The following GALNT13 variants were observed in gnomAD, a reference collection of about 807,000 sequenced individuals.
GALNT13 encodes UDP-GalNAc:polypeptide N-acetylgalactosaminyltransferase 13.
Under a neutral mutation model 64.2 loss-of-function variants are expected in GALNT13, and 28 were observed. The ratio of observed to expected loss-of-function variants is 0.44; its 90% CI spans 0.32 to 0.60. The LOEUF (loss-of-function observed/expected upper bound fraction) is 0.60. Among genes scored for constraint, GALNT13 ranks in the 20% least tolerant of loss-of-function variants. GALNT13 has a pLI of 0.05. For synonymous variants in GALNT13, 214 were observed against 224.6 expected, an observed-to-expected ratio of 0.95 and a Z score of 0.42; for missense variants, 577 against 669.8, an observed-to-expected ratio of 0.86 and a Z score of 1.53.
chr2:153,961,282 T>C (rs1692924197), intron 3 of GALNT13, among the ~76,000 whole-genome samples: 1 of 152,192 alleles, frequency 6.6e-6, no homozygotes, highest in East Asian at 1.9e-4. Flanking sequence ...ACATCAATGC[T>C]GTACTATTAG....
chr2:154,010,431 G>A (rs1432376674), intron 3 of GALNT13, among the ~76,000 whole-genome samples: 1 of 152,128 alleles, frequency 6.6e-6, no homozygotes, highest in African/African-American at 2.4e-5. Flanking sequence ...TGCATTCAAG[G>A]GTAAAGCCCA....
At chr2:153,851,579 C>T in the GALNT13 span, among the ~76,000 whole-genome samples, 1 of 151,834 alleles carries the variant, frequency 6.6e-6, no homozygotes, top group Non-Finnish European at 1.5e-5. Flanking sequence ...ATGGCATACA[C>T]CTGTAGTCGC....
chr2:153,892,360 T>C lies in GALNT13; in HGVS notation c.-176-8576T>C, dbSNP rs997027691. Among the ~76,000 whole-genome samples, 3 of 152,168 alleles carry C rather than the reference T, an allele frequency of 2.0e-5. No homozygotes were observed. The South Asian group carries it at 6.2e-4, about 32-fold the overall frequency. Reference sequence around the variant, plus strand: ...CTTTTTCTGGAATATAATGAGGATATAAAAATATTAACATAATCTCTTGCA... The same window carrying C: ...CTTTTTCTGGAATATAATGAGGATACAAAAATATTAACATAATCTCTTGCA... On this transcript the variant is annotated intron_variant, in intron 1 of 12. Coordinates refer to ENST00000392825, the MANE Select transcript of GALNT13 (RefSeq NM_052917.4).
chr2:154,074,173 T>A (rs1700875660), intron 3 of GALNT13, among the ~76,000 whole-genome samples: 1 of 151,890 alleles, frequency 6.6e-6, no homozygotes, highest in Admixed American at 6.6e-5. Flanking sequence ...AGGGTAAAAG[T>A]GTCCTAAGAT....
chr2:153,538,430 G>A, the GALNT13 span, among the ~76,000 whole-genome samples: 8 of 119,342 alleles, frequency 6.7e-5, no homozygotes, highest in East Asian at 1.7e-3. Flanking sequence ...TAGGGTACAT[G>A]TGCACATTGT....
chr2:153,082,336 G>A, the GALNT13 span, among the ~76,000 whole-genome samples: 2 of 151,544 alleles, frequency 1.3e-5, no homozygotes, highest in Non-Finnish European at 2.9e-5. Context: ...AATCCCCAAA[G>A]TCTATTATAT....
the GALNT13 span, among the ~76,000 whole-genome samples, chr2:153,386,692 C>T: frequency 1.3e-5 from 2 of 151,976 alleles, no homozygotes; most frequent in Non-Finnish European, 2.9e-5. Flanking sequence ...GGCATGGGGG[C>T]CAGGTCAATA....
At chr2:154,377,722 AG>A (rs549549045) in intron 9 of GALNT13, among the ~76,000 whole-genome samples, 119 of 152,322 alleles carry the variant, frequency 7.8e-4, no homozygotes, top group African/African-American at 2.7e-3. Context: ...CTAGGGATCT[AG>A]AAGTACATGA....
intron 10 of GALNT13, among the ~76,000 whole-genome samples, chr2:154,407,460 C>T (rs1559138443): frequency 6.6e-6 from 1 of 152,098 alleles, no homozygotes; most frequent in African/African-American, 2.4e-5. Flanking sequence ...CTACATCATA[C>T]TACAATTTAT....
intron 9 of GALNT13, among the ~76,000 whole-genome samples, chr2:154,314,107 C>T (rs1353680802): frequency 1.3e-5 from 2 of 152,100 alleles, no homozygotes; most frequent in African/African-American, 2.4e-5. Context: ...AGGAGTACTA[C>T]GTCTGAATTA....
the GALNT13 span, among the ~76,000 whole-genome samples, chr2:153,720,289 T>C: frequency 6.9e-6 from 1 of 144,958 alleles, no homozygotes; most frequent in Non-Finnish European, 1.5e-5. Flanking sequence ...AGAAAGGACA[T>C]CCACACCGAA....
chr2:153,904,245 T>G (rs1306293894), intron 2 of GALNT13, among the ~76,000 whole-genome samples: 1 of 151,964 alleles, frequency 6.6e-6, no homozygotes, highest in Non-Finnish European at 1.5e-5. Context: ...TTGTGCTCTT[T>G]CTAGGTTTGG....
At chr2:154,393,349 C>T (rs1698885175) in intron 9 of GALNT13, among the ~76,000 whole-genome samples, 1 of 152,188 alleles carries the variant, frequency 6.6e-6, no homozygotes, top group South Asian at 2.1e-4. Flanking sequence ...AGCTCTCATA[C>T]TTGCTTTCCT....
intron 3 of GALNT13, among the ~76,000 whole-genome samples, chr2:154,019,688 TTTG>T (rs543577007): frequency 0.084 from 8,860 of 105,432 alleles, 648 homozygotes; most frequent in African/African-American, 0.33. Context: ...TAAATGATTT[TTTG>T]TTTTTTTTGT....
intron 9 of GALNT13, among the ~76,000 whole-genome samples, chr2:154,316,774 G>A (rs902167655): frequency 2.6e-5 from 4 of 152,126 alleles, no homozygotes; most frequent in Admixed American, 6.6e-5. Context: ...TCTAATCATA[G>A]TTACCTCCCA....
chr2:153,779,752 T>C, the GALNT13 span, among the ~76,000 whole-genome samples: 30 of 152,260 alleles, frequency 2.0e-4, 1 homozygote, highest in African/African-American at 6.5e-4. Context: ...ACCACAGTTT[T>C]CATAAAACAT....
intron 3 of GALNT13, among the ~76,000 whole-genome samples, chr2:154,127,674 A>C (rs867381843): frequency 2.0e-5 from 3 of 149,404 alleles, no homozygotes; most frequent in African/African-American, 7.4e-5. Flanking sequence ...ATGGTCATAC[A>C]TATAGTCATA....
intron 3 of GALNT13, among the ~76,000 whole-genome samples, chr2:153,951,990 T>G (rs1692219394): frequency 6.6e-6 from 1 of 152,100 alleles, no homozygotes; most frequent in South Asian, 2.1e-4. Context: ...GCTATTTGTT[T>G]TTCTGTTTTT....
At chr2:154,133,838 A>G (rs543586264) in intron 3 of GALNT13, among the ~76,000 whole-genome samples, 2 of 152,114 alleles carry the variant, frequency 1.3e-5, no homozygotes, top group East Asian at 3.9e-4. Flanking sequence ...AAATAGACCC[A>G]AAATTCTAAT....
Sources: allele counts gnomAD v4.1 joint callset (sites outside exome capture counted in the v4.1 genomes callset), GRCh38; gene constraint gnomAD v4.1.1; transcripts MANE v1.5; gene names NCBI Gene and HGNC (gene_info 2026-07-23, HGNC 2026-07-21).